The following IST1 variants were observed in gnomAD, a reference collection of about 807,000 sequenced individuals.
The protein encoded by IST1 is IST1 factor associated with ESCRT-III, also known as IST1 homolog.
Under a neutral mutation model 37.0 loss-of-function variants are expected in IST1, and 23 were observed. The ratio of observed to expected loss-of-function variants is 0.62; its 90% confidence interval spans 0.45 to 0.88. The LOEUF is 0.88. Ranked by LOEUF, IST1 falls within the 40% of genes least tolerant of loss-of-function variation. The pLI is 0.00. For missense variants in IST1, 488 were observed against 445.4 expected (o/e 1.10, Z -0.86); for synonymous variants, 180 against 161.7 (o/e 1.11, Z -0.86).
chr16:71,898,208 C>T (rs1273804819), intron 1 of IST1, among the ~76,000 whole-genome samples: 1 of 150,990 alleles, frequency 6.6e-6, no homozygotes, highest in South Asian at 2.1e-4. Context: ...AACCCCTTCT[C>T]TACTAAAAAT....
At chr16:71,916,774 T>A in intron 3 of IST1, 132 bp downstream of exon 3, 2 of 781,322 alleles carry the variant, frequency 2.6e-6, no homozygotes, top group Non-Finnish European at 4.0e-6. Flanking sequence ...GAAAGGCCTG[T>A]TAAAAAGAAA....
intron 7 of IST1, 27 bp downstream of exon 7, chr16:71,922,707 G>A: frequency 6.4e-7 from 1 of 1,560,422 alleles, no homozygotes. Flanking sequence ...GTGGATGTAA[G>A]CTTTAGAAAA....
chr16:71,922,405 A>G (rs983528115), intron 6 of IST1, 69 bp from the exon 7 acceptor site: 116 of 1,329,128 alleles, frequency 8.7e-5, no homozygotes, highest in Admixed American at 1.4e-4. Context: ...TCTCCATCTC[A>G]GACTCCGCTT....
chr16:71,900,033 G>T (rs1036699402), intron 1 of IST1, among the ~76,000 whole-genome samples: 3 of 151,442 alleles, frequency 2.0e-5, no homozygotes, highest in Non-Finnish European at 2.9e-5. Context: ...GGGCGTGATG[G>T]CAGACACCTG....
At position 71,930,380 on chromosome 16, in the gene IST1, G is replaced by A. The variant is rs1259727209; in HGVS notation, c.*2567G>A. The A allele has an allele frequency of 8.9e-6, 4 of 449,048 alleles. No individual in the cohort carries two copies. Among genetic ancestry groups the A allele is most frequent in the Admixed American group, 4.1e-5 (1 of 24,152 alleles). The allele number at this position is 449,048 out of a possible 1,614,324, so 27.8% of individuals were successfully genotyped here. On this transcript the variant is annotated 3_prime_UTR_variant, in exon 10 of 10. Transcript: ENST00000378799. ...AGCAGGAATGACTCATTTTAAGGAG[G>A]TTAAGATAATTGTGACTGCAGGGCT...
In IST1 at chr16:71,915,677, G is replaced by A; in HGVS notation, c.37G>A (p.Val13Met). ...GSGFKAERLR[V>M]NLRLVINRLK... ...TGGATTTAAAGCTGAGCGCTTAAGA[G>A]TGAATTTGAGATTAGTCATAAATCG... Residue 13 changes from valine to methionine, a missense_variant, in exon 2 of 10, where the codon GTG becomes ATG. This residue lies in a region of IST1 where 33 missense variants were observed against 59.3 expected (regional missense o/e 0.56). Coordinates refer to ENST00000378799, the MANE Select transcript of IST1 (RefSeq NM_001270975.2). 6.2e-7 allele frequency: 1 copy of A among 1,613,552 alleles called. No homozygotes were observed. The highest frequency in any genetic ancestry group is 8.5e-7 in the Non-Finnish European group (1 of 1,179,850).
chr16:71,917,665 T>C lies in IST1; in HGVS notation c.357+531T>C, dbSNP rs532613131. Among the ~76,000 whole-genome samples, 3 of 152,166 alleles carry C rather than the reference T, an allele frequency of 2.0e-5. No homozygotes were observed. In the East Asian group the frequency reaches 5.8e-4, roughly 29 times the overall value. The stretch of plus-strand genomic sequence containing the variant: ...CTCCTAGGATACAAATTCAGTTGTG[T>C]TGTTTTCTATTTTCTACATCTTTGC... On this transcript the variant is annotated intron_variant, in intron 4 of 9. Transcript: ENST00000378799.
In IST1 at chr16:71,903,652, G is replaced by A. The variant is rs547851632; in HGVS notation, c.-16+8063G>A. ...GGCCTCAAACGATCCTTCTACCTCA[G>A]CCTCTCAAGTAGCTGAGGTTATAGG... On this transcript the variant is annotated intron_variant, in intron 1 of 9. Coordinates refer to ENST00000378799, the MANE Select transcript of IST1 (RefSeq NM_001270975.2). The A allele has an allele frequency of 3.9e-5, 6 of 152,296 alleles. No homozygotes were observed. The East Asian group carries it at 1.2e-3, about 29-fold the overall frequency. 9.4% of individuals were successfully genotyped at this position (152,296 alleles called of 1,614,324 possible).
chr16:71,899,675 A>T (rs912824688), intron 1 of IST1, among the ~76,000 whole-genome samples: 1 of 152,092 alleles, frequency 6.6e-6, no homozygotes, highest in Non-Finnish European at 1.5e-5. Context: ...CAGGAGTTTG[A>T]GACCAGCCTA....
intron 4 of IST1, among the ~76,000 whole-genome samples, chr16:71,917,348 G>A (rs2037487310): frequency 6.6e-6 from 1 of 152,148 alleles, no homozygotes; most frequent in Non-Finnish European, 1.5e-5. Context: ...AAGGAGCAAA[G>A]TTTTGTGTAT....
intron 9 of IST1, among the ~76,000 whole-genome samples, chr16:71,925,890 A>G (rs2037730577): frequency 6.6e-6 from 1 of 152,182 alleles, no homozygotes; most frequent in Non-Finnish European, 1.5e-5. Flanking sequence ...ACAGTGAGTG[A>G]TCATTGTACT....
At chr16:71,919,005 A>C (rs966962222) in intron 4 of IST1, among the ~76,000 whole-genome samples, 2 of 152,192 alleles carry the variant, frequency 1.3e-5, no homozygotes, top group African/African-American at 4.8e-5. Context: ...TGGAAATGAG[A>C]GTAGCTTCTT....
At chr16:71,899,960 G>A (rs1232591467) in intron 1 of IST1, among the ~76,000 whole-genome samples, 8 of 143,754 alleles carry the variant, frequency 5.6e-5, no homozygotes, top group Non-Finnish European at 9.0e-5. Context: ...TTGCGCCACT[G>A]CACTCTAGCC....
In IST1 at chr16:71,922,455, G is replaced by A. The variant is rs200920311; in HGVS notation, c.553-19G>A. 8 of 1,608,932 alleles carry A rather than the reference G, an allele frequency of 5.0e-6. No individual in the cohort carries two copies. In the African/African-American group the frequency reaches 8.0e-5, roughly 16 times the overall value. On this transcript the variant is annotated intron_variant, in intron 6 of 9. Coordinates refer to ENST00000378799, the MANE Select transcript of IST1 (RefSeq NM_001270975.2). The stretch of plus-strand genomic sequence containing the variant: ...CCTTGGACATGGGTTAATGACCTGG[G>A]TTTCTCTTTTTTTCTCAGGCAGAAG...
intron 1 of IST1, among the ~76,000 whole-genome samples, chr16:71,899,789 C>A (rs1015713453): frequency 6.6e-6 from 1 of 151,446 alleles, no homozygotes; most frequent in Non-Finnish European, 1.5e-5. Context: ...TTCGGGAGGC[C>A]GAGGCGGGTG....
intron 1 of IST1, among the ~76,000 whole-genome samples, chr16:71,896,048 G>C (rs2036962029): frequency 6.6e-6 from 1 of 152,254 alleles, no homozygotes; most frequent in Admixed American, 6.5e-5. Flanking sequence ...CTTCCACCGG[G>C]CGGGGTGGCC....
At chr16:71,911,710 ATTTT>A (rs550809762) in intron 1 of IST1, among the ~76,000 whole-genome samples, 7 of 90,866 alleles carry the variant, frequency 7.7e-5, no homozygotes, top group Admixed American at 2.6e-4. Flanking sequence ...TTAAACTTCG[ATTTT>A]TTTTTTTTTT....
chr16:71,914,899 A>G (rs989879947), intron 1 of IST1, among the ~76,000 whole-genome samples: 6 of 152,198 alleles, frequency 3.9e-5, no homozygotes, highest in Admixed American at 6.6e-5. Context: ...TCAGTGCACA[A>G]TGGTATACCC....
chr16:71,927,645 G>T lies in IST1; in HGVS notation c.933G>T (p.Lys311Asn). 6.2e-7 allele frequency: 1 copy of T among 1,613,920 alleles called. No individual in the cohort carries two copies. ...GACCCAAGCCAGAAGCCTCTGCAAA[G>T]CTTCCTTCCAGACCTGCAGATAACT... is the stretch of plus-strand genomic sequence containing the variant. ...GPGPKPEASAKLPSRPADNYD... is the reference protein window; with the variant it reads ...GPGPKPEASANLPSRPADNYD... The change falls in exon 10 of 10, where the codon AAG becomes AAT. Residue 311 changes from lysine to asparagine, a missense_variant. This residue lies in a region of IST1 where 455 missense variants were observed against 386.2 expected (regional missense o/e 1.18). Coordinates refer to ENST00000378799, the MANE Select transcript of IST1 (RefSeq NM_001270975.2).
Sources: allele counts gnomAD v4.1 joint callset (sites outside exome capture counted in the v4.1 genomes callset), GRCh38; gene constraint gnomAD v4.1.1; regional missense constraint gnomAD v4.1.1; transcripts MANE v1.5; gene names NCBI Gene and HGNC (gene_info 2026-07-23, HGNC 2026-07-21).